The following DLG2 variants were observed in gnomAD, a reference collection of about 807,000 sequenced individuals.
DLG2 encodes disks large homolog 2.
DLG2 carries 45 observed loss-of-function variants against 132.5 expected under a neutral mutation model. That is an observed-to-expected ratio of 0.34 (90% CI 0.27 to 0.44). The LOEUF (loss-of-function observed/expected upper bound fraction) is 0.44. DLG2 is among the 20% of genes least tolerant of loss of function. The probability of loss-of-function intolerance (pLI) is 1.00; values close to 1 mark genes in which losing one functional copy is unlikely to be tolerated. For missense variants in DLG2, 1,045 were observed against 1,196.9 expected, an observed-to-expected ratio of 0.87 and a Z score of 1.87; for synonymous variants, 424 against 419.6, an observed-to-expected ratio of 1.01 and a Z score of -0.13.
At chr11:83,963,147 C>T in intron 13 of DLG2, 124 bp from the exon 14 acceptor site, 5 of 1,050,450 alleles carry the variant, frequency 4.8e-6, no homozygotes, top group Non-Finnish European at 4.2e-6. Flanking sequence ...TTTTTCTTGT[C>T]CTCCCAGAGG....
intron 7 of DLG2, among the ~76,000 whole-genome samples, chr11:84,358,679 C>T (rs1306021235): frequency 6.6e-6 from 1 of 151,792 alleles, no homozygotes; most frequent in Non-Finnish European, 1.5e-5. Flanking sequence ...GACATAGTGT[C>T]AGGAAATGTT....
At chr11:85,116,850 G>A (rs2073663808) in intron 5 of DLG2, among the ~76,000 whole-genome samples, 1 of 151,990 alleles carries the variant, frequency 6.6e-6, no homozygotes, top group African/African-American at 2.4e-5. Context: ...ACAAAAGTTA[G>A]ATGACTAAAG....
intron 16 of DLG2, among the ~76,000 whole-genome samples, chr11:83,843,533 T>C (rs34905738): frequency 0.11 from 17,147 of 152,196 alleles, 1,329 homozygotes; most frequent in Non-Finnish European, 0.16. Flanking sequence ...GACTTTTAGG[T>C]CCTTGTTTTG....
intron 2 of DLG2, among the ~76,000 whole-genome samples, chr11:85,602,484 G>A (rs1565745713): frequency 6.6e-6 from 1 of 151,782 alleles, no homozygotes; most frequent in Non-Finnish European, 1.5e-5. Flanking sequence ...GGAATGTAGT[G>A]GGGCAATCAC....
intron 6 of DLG2, among the ~76,000 whole-genome samples, chr11:84,841,375 A>G (rs2080663714): frequency 6.6e-6 from 1 of 152,004 alleles, no homozygotes; most frequent in African/African-American, 2.4e-5. Flanking sequence ...ATGCATGAGA[A>G]TTTTGTTGTT....
chr11:85,435,135 T>G (rs1223352467), intron 3 of DLG2, among the ~76,000 whole-genome samples: 2 of 152,212 alleles, frequency 1.3e-5, no homozygotes, highest in Non-Finnish European at 2.9e-5. Context: ...TTAAAAACTT[T>G]CAGTAAACTA....
intron 15 of DLG2, among the ~76,000 whole-genome samples, chr11:83,902,887 G>C (rs2073845657): frequency 6.6e-6 from 1 of 152,192 alleles, no homozygotes; most frequent in Admixed American, 6.5e-5. Flanking sequence ...ATGTTCCTGA[G>C]ATGTGGTGAC....
At chr11:83,956,524 C>A (rs564762260) in intron 14 of DLG2, among the ~76,000 whole-genome samples, 2 of 152,228 alleles carry the variant, frequency 1.3e-5, no homozygotes, top group Non-Finnish European at 2.9e-5. Flanking sequence ...GTGCCTGAAG[C>A]AACCAGCTGG....
chr11:84,906,668 G>T (rs1254934404), intron 6 of DLG2, among the ~76,000 whole-genome samples: 1 of 152,090 alleles, frequency 6.6e-6, no homozygotes, highest in Admixed American at 6.6e-5. Flanking sequence ...AGGGAGGCAT[G>T]TCGTAATCAA....
At chr11:84,932,031 T>A (rs2048154680) in intron 6 of DLG2, among the ~76,000 whole-genome samples, 1 of 152,350 alleles carries the variant, frequency 6.6e-6, no homozygotes, top group Admixed American at 6.5e-5. Flanking sequence ...CTTTGTTGAA[T>A]GAATACTTTG....
At chr11:83,593,791 G>T (rs551127188) in intron 19 of DLG2, among the ~76,000 whole-genome samples, 1 of 150,570 alleles carries the variant, frequency 6.6e-6, no homozygotes, top group South Asian at 2.1e-4. Flanking sequence ...TTGCCTAGCT[G>T]ATAAGGATAA....
At chr11:84,305,735 T>A (rs2098210313) in intron 7 of DLG2, among the ~76,000 whole-genome samples, 1 of 152,124 alleles carries the variant, frequency 6.6e-6, no homozygotes, top group Non-Finnish European at 1.5e-5. Flanking sequence ...ATGATAGATA[T>A]AAACTCTGAA....
chr11:85,239,078 C>T (rs2075746103), intron 4 of DLG2, among the ~76,000 whole-genome samples: 1 of 152,068 alleles, frequency 6.6e-6, no homozygotes, highest in South Asian at 2.1e-4. Flanking sequence ...TACACAAGAA[C>T]CTTGAACTTT....
intron 6 of DLG2, among the ~76,000 whole-genome samples, chr11:84,863,984 T>C (rs2084165798): frequency 6.6e-6 from 1 of 152,220 alleles, no homozygotes; most frequent in South Asian, 2.1e-4. Flanking sequence ...ATGGGATTTC[T>C]TTATAAACTG....
chr11:84,462,430 A>G (rs1302779334), intron 7 of DLG2, among the ~76,000 whole-genome samples: 1 of 151,130 alleles, frequency 6.6e-6, no homozygotes, highest in Non-Finnish European at 1.5e-5. Context: ...AAACACAGTG[A>G]CCACTGTGCT....
intron 7 of DLG2, among the ~76,000 whole-genome samples, chr11:84,418,319 T>C (rs566606772): frequency 3.9e-5 from 6 of 152,290 alleles, no homozygotes; most frequent in African/African-American, 1.2e-4. Context: ...AAAGTCCCAA[T>C]GTGAAGTGAC....
chr11:85,393,147 C>G (rs2086952949), intron 3 of DLG2, among the ~76,000 whole-genome samples: 1 of 151,998 alleles, frequency 6.6e-6, no homozygotes, highest in African/African-American at 2.4e-5. Context: ...ACAATCCTAT[C>G]AAAAAGTGGG....
chr11:85,337,472 T>A (rs930623515), intron 3 of DLG2, among the ~76,000 whole-genome samples: 5 of 152,218 alleles, frequency 3.3e-5, no homozygotes, highest in Non-Finnish European at 5.9e-5. Context: ...GTATTTATGT[T>A]AAAATGAAAT....
intron 18 of DLG2, among the ~76,000 whole-genome samples, chr11:83,738,470 C>T (rs2153712681): frequency 6.6e-6 from 1 of 152,238 alleles, no homozygotes; most frequent in East Asian, 1.9e-4. Context: ...CTAGCACACT[C>T]AGCTGAGCGG....
Sources: gnomAD v4.1 joint callset for allele counts (sites outside exome capture counted in the v4.1 genomes callset) on GRCh38, gnomAD v4.1.1 for gene constraint, MANE v1.5 for transcripts, NCBI Gene and HGNC (gene_info 2026-07-23, HGNC 2026-07-21) for gene names.